The following DHCR7 variants were observed in gnomAD, a reference collection of about 807,000 sequenced individuals.
DHCR7 encodes 7-DHC reductase.
DHCR7 carries 40 observed loss-of-function variants against 43.3 expected under a neutral mutation model. The observed-to-expected ratio is 0.92, with a 90% confidence interval of 0.72 to 1.20. The LOEUF is 1.20. Among genes scored for constraint, DHCR7 ranks in the 50% most tolerant of loss-of-function variants. The pLI is 0.00. For synonymous variants in DHCR7, 298 were observed against 271.4 expected, an observed-to-expected ratio of 1.10 and a Z score of -0.96; for missense variants, 608 against 644.6, an observed-to-expected ratio of 0.94 and a Z score of 0.62.
In DHCR7 at chr11:71,435,161, A is replaced by G. The variant is rs888532153; in HGVS notation, c.*214T>C. On this transcript the variant is annotated 3_prime_UTR_variant, in exon 9 of 9. Transcript: ENST00000355527. ...TTAGAGAAAATCCGTCTGTGCTGGC[A>G]ATACGGCAGTGCTGGACACTCGGAA... 20 of 699,080 alleles carry G rather than the reference A, an allele frequency of 2.9e-5. No homozygotes were observed. Among genetic ancestry groups the G allele is most frequent in the Non-Finnish European group, 5.2e-5 (20 of 384,366 alleles). The allele number at this position is 699,080 out of a possible 1,614,324, so 43.3% of individuals were successfully genotyped here. A position where few individuals can be genotyped will look rare whatever the true frequency, so the allele number is the denominator to read the frequency against.
At position 71,444,235 on chromosome 11, in the gene DHCR7, C is replaced by T; in HGVS notation, c.99-20G>A. 6.4e-7 allele frequency: 1 copy of T among 1,555,620 alleles called. No individual in the cohort carries two copies. The highest frequency in any genetic ancestry group is 8.7e-7 in the Non-Finnish European group (1 of 1,146,396). Reference sequence around the variant, plus strand: ...ACCTCCCTGCGAGGACGGATGCAGGCAGTCACACTGGGGCCCATCTGCCCT... The same window carrying T: ...ACCTCCCTGCGAGGACGGATGCAGGTAGTCACACTGGGGCCCATCTGCCCT... On this transcript the variant is annotated intron_variant, in intron 3 of 8. Coordinates refer to ENST00000355527, the MANE Select transcript of DHCR7 (RefSeq NM_001360.3).
At chr11:71,439,226 G>A (rs532745111) in intron 6 of DHCR7, 143 bp from the exon 7 acceptor site, 23 of 774,404 alleles carry the variant, frequency 3.0e-5, no homozygotes, top group Admixed American at 2.3e-4. Context: ...GCCATGAGCC[G>A]CTGGGACCCC....
chr11:71,445,095 C>A, intron 2 of DHCR7, 137 bp from the exon 3 acceptor site: 2 of 726,284 alleles, frequency 2.8e-6, no homozygotes, highest in South Asian at 1.6e-5. Context: ...TTCCTGACAG[C>A]AGATTCCAGG....
At chr11:71,446,521 G>C (rs75686975) in intron 2 of DHCR7, among the ~76,000 whole-genome samples, 3,933 of 152,282 alleles carry the variant, frequency 0.026, 161 homozygotes, top group African/African-American at 0.088. Flanking sequence ...CACAAAAGTA[G>C]CTGAAAGAAT....
At position 71,435,241 on chromosome 11, in the gene DHCR7, C is replaced by A; in HGVS notation, c.*134G>T. 1.1e-6 allele frequency: 1 copy of A among 943,196 alleles called. No homozygotes were observed. The highest frequency in any genetic ancestry group is 2.5e-5 in the East Asian group (1 of 40,312). 58.4% of individuals were successfully genotyped at this position (943,196 alleles called of 1,614,324 possible). A position where few individuals can be genotyped will look rare whatever the true frequency, so the allele number is the denominator to read the frequency against. ...GCGTGATTAGGTACTGGACACCTGC[C>A]AAGTGCTGGGCTCTCTCCAGTTTAC... is the stretch of plus-strand genomic sequence containing the variant. On this transcript the variant is annotated 3_prime_UTR_variant, in exon 9 of 9. Transcript: ENST00000355527.
Position 71,428,793 on chromosome 11 carries a change from G to C in DHCR7, c.*30C>G, listed in dbSNP as rs1026405987. 3.7e-5 allele frequency: 17 copies of C among 455,452 alleles called. No individual in the cohort carries two copies. The Admixed American group carries it at 4.0e-4, about 11-fold the overall frequency. The allele number at this position is 455,452 out of a possible 1,614,324, so 28.2% of individuals were successfully genotyped here. On this transcript the variant is annotated 3_prime_UTR_variant, in exon 3 of 3. Transcript: ENST00000534795. ...CTGCCCTCCCCAGGGTCATCTCCAA[G>C]TCTTAAAGGGAAGGCAGCTCTTCCT...
chr11:71,434,252 C>T (rs2135938400), downstream of DHCR7, among the ~76,000 whole-genome samples: 1 of 152,302 alleles, frequency 6.6e-6, no homozygotes, highest in African/African-American at 2.4e-5. Context: ...GGTGGCGCCA[C>T]GCACCCACGG....
chr11:71,429,619 G>A (rs1264651483), downstream of DHCR7, among the ~76,000 whole-genome samples: 1 of 152,154 alleles, frequency 6.6e-6, no homozygotes, highest in Non-Finnish European at 1.5e-5. Flanking sequence ...TATGGGAAAA[G>A]GTCAGTACTG....
chr11:71,447,988 G>C (rs889655902), intron 1 of DHCR7: 1 of 152,892 alleles, frequency 6.5e-6, no homozygotes, highest in Non-Finnish European at 1.5e-5. Flanking sequence ...GCGCGGCATG[G>C]GGCCAGGAGC....
In DHCR7 at chr11:71,435,018, ACCT is replaced by A. The variant is rs1314258991; in HGVS notation, c.*354_*356del. 7 of 485,806 alleles carry A rather than the reference ACCT, an allele frequency of 1.4e-5. No individual in the cohort carries two copies. Among genetic ancestry groups the A allele is most frequent in the African/African-American group, 9.7e-5 (5 of 51,556 alleles). 30.1% of individuals were successfully genotyped at this position (485,806 alleles called of 1,614,324 possible). A position where few individuals can be genotyped will look rare whatever the true frequency, so the allele number is the denominator to read the frequency against. ...CAGCCTAATGACAGGGCGTGGGAAG[ACCT>A]CCTGCTCACCAGTGTGGGCAGAGTG... On this transcript the variant is annotated 3_prime_UTR_variant, in exon 9 of 9. Coordinates refer to ENST00000355527, the MANE Select transcript of DHCR7 (RefSeq NM_001360.3).
intron 4 of DHCR7, among the ~76,000 whole-genome samples, chr11:71,443,791 G>T (rs1462809990): frequency 5.3e-5 from 8 of 152,122 alleles, no homozygotes; most frequent in African/African-American, 1.9e-4. Context: ...TGTATCAAAC[G>T]CTGATGTGAC....
At position 71,442,261 on chromosome 11, in the gene DHCR7, A is replaced by G; in HGVS notation, c.412+2T>C. 3.1e-6 allele frequency: 5 copies of G among 1,604,590 alleles called. No homozygotes were observed. Among genetic ancestry groups the G allele is most frequent in the Non-Finnish European group, 4.3e-6 (5 of 1,172,178 alleles). ...TGGGGAGGGTGGAAGGGAGGAGGCTACCTGCAGGAGTCACGGCCCCCTCCT... is the reference window on the plus strand; with the variant it reads ...TGGGGAGGGTGGAAGGGAGGAGGCTGCCTGCAGGAGTCACGGCCCCCTCCT... On this transcript the variant is annotated splice_donor_variant, in intron 5 of 8. Transcript: ENST00000355527. LOFTEE classifies it high-confidence loss of function.
rs777517985 is a variant in DHCR7, at chr11:71,435,648, G to T, written c.1155C>A (p.Ala385=). Reference sequence around the variant, plus strand: ...GCTTGCTGTGGTGCCTCTGCCCATCGGCGGATGTGTAGGAGCACTCGATGA... The same window carrying T: ...GCTTGCTGTGGTGCCTCTGCCCATCTGCGGATGTGTAGGAGCACTCGATGA... ...PKVIECSYTS[A]DGQRHHSKLL... The change falls in exon 9 of 9, where the codon GCC becomes GCA. Residue 385 remains alanine, a synonymous_variant. Coordinates refer to ENST00000355527, the MANE Select transcript of DHCR7 (RefSeq NM_001360.3). The T allele has an allele frequency of 6.2e-7, 1 of 1,612,754 alleles. No homozygotes were observed. The highest frequency in any genetic ancestry group is 8.5e-7 in the Non-Finnish European group (1 of 1,179,904).
chr11:71,427,717 G>A (rs553703433), downstream of DHCR7, among the ~76,000 whole-genome samples: 20 of 152,146 alleles, frequency 1.3e-4, no homozygotes, highest in Non-Finnish European at 2.8e-4. Context: ...GGGAGACCAG[G>A]CATAAACTTC....
rs1381392216 is a variant in DHCR7 at position 71,435,184 on chromosome 11, G to GA, written c.*190dup. On this transcript the variant is annotated 3_prime_UTR_variant, in exon 9 of 9. Transcript: ENST00000355527. ...GCAATACGGCAGTGCTGGACACTCGGAATTCCCTTGAAGGCAAAAGCAAGG... is the reference window on the plus strand; with the variant it reads ...GCAATACGGCAGTGCTGGACACTCGGAAATTCCCTTGAAGGCAAAAGCAAGG... 1 of 718,406 alleles carries GA rather than the reference G, an allele frequency of 1.4e-6. No individual in the cohort carries two copies. The highest frequency in any genetic ancestry group is 2.5e-6 in the Non-Finnish European group (1 of 400,028). The allele number at this position is 718,406 out of a possible 1,614,324, so 44.5% of individuals were successfully genotyped here. A position where few individuals can be genotyped will look rare whatever the true frequency, so the allele number is the denominator to read the frequency against.
chr11:71,436,046 T>G, intron 8 of DHCR7: 1 of 613,814 alleles, frequency 1.6e-6, no homozygotes, highest in Non-Finnish European at 3.0e-6. Context: ...CTTCTACCTG[T>G]CTGTGTGTGT....
chr11:71,437,138 TC>T (rs976256849), intron 8 of DHCR7, among the ~76,000 whole-genome samples: 1 of 152,130 alleles, frequency 6.6e-6, no homozygotes, highest in African/African-American at 2.4e-5. Flanking sequence ...CGCACCTCCA[TC>T]CCACAGGACT....
intron 2 of DHCR7, among the ~76,000 whole-genome samples, chr11:71,446,092 C>T (rs1949400350): frequency 6.6e-6 from 1 of 151,992 alleles, no homozygotes; most frequent in Non-Finnish European, 1.5e-5. Flanking sequence ...CAGGACTAAC[C>T]AGAAACCAGT....
At chr11:71,428,966 A>G in intron 2 of DHCR7, 1 of 422,556 alleles carries the variant, frequency 2.4e-6, no homozygotes, top group South Asian at 1.8e-5. Flanking sequence ...TCACTTATCT[A>G]AGTCTGTAGC....
Sources: gnomAD v4.1 joint callset for allele counts (sites outside exome capture counted in the v4.1 genomes callset) on GRCh38, gnomAD v4.1.1 for gene constraint, MANE v1.5 for transcripts, NCBI Gene and HGNC (gene_info 2026-07-23, HGNC 2026-07-21) for gene names.